The following CEP89 variants were observed in gnomAD, a reference collection of about 807,000 sequenced individuals.
The protein encoded by CEP89 is centrosomal protein 89.
CEP89 carries 95 observed loss-of-function variants against 97.6 expected under a neutral mutation model. The observed-to-expected ratio is 0.97, with a 90% confidence interval of 0.82 to 1.15. The LOEUF (loss-of-function observed/expected upper bound fraction) is 1.15. Among genes scored for constraint, CEP89 ranks in the 50% most tolerant of loss-of-function variants. The pLI is 0.00. For missense variants in CEP89, 869 were observed against 947.7 expected, an observed-to-expected ratio of 0.92 and a Z score of 1.09; for synonymous variants, 354 against 349.1, an observed-to-expected ratio of 1.01 and a Z score of -0.16.
intron 17 of CEP89, among the ~76,000 whole-genome samples, chr19:32,884,895 C>A (rs945503791): frequency 3.9e-5 from 6 of 152,152 alleles, no homozygotes; most frequent in African/African-American, 1.2e-4. Flanking sequence ...AAGCTCGATT[C>A]TTGTAGTTGG....
intron 16 of CEP89, among the ~76,000 whole-genome samples, chr19:32,899,537 T>C (rs1268204905): frequency 6.6e-6 from 1 of 152,204 alleles, no homozygotes; most frequent in African/African-American, 2.4e-5. Context: ...AAAAATGCAT[T>C]TAATCCTGGC....
chr19:32,906,039 G>A (rs968557675), intron 14 of CEP89, among the ~76,000 whole-genome samples: 2 of 152,158 alleles, frequency 1.3e-5, no homozygotes, highest in African/African-American at 2.4e-5. Context: ...ATTTTGGTTT[G>A]TACTTGAGTA....
intron 14 of CEP89, among the ~76,000 whole-genome samples, chr19:32,914,726 GA>G (rs1439122006): frequency 2.6e-5 from 4 of 151,108 alleles, no homozygotes; most frequent in African/African-American, 7.3e-5. Flanking sequence ...GTTATTAAAA[GA>G]AAAAAAAAGT....
intron 11 of CEP89, among the ~76,000 whole-genome samples, 180 bp from the exon 12 acceptor site, chr19:32,923,722 G>A (rs1599744340): frequency 6.6e-6 from 1 of 152,100 alleles, no homozygotes; most frequent in South Asian, 2.1e-4. Context: ...GGGAGCTTAC[G>A]GTCTAGTGAG....
intron 2 of CEP89, among the ~76,000 whole-genome samples, chr19:32,962,546 A>C (rs1393680863): frequency 6.6e-6 from 1 of 152,190 alleles, no homozygotes; most frequent in East Asian, 1.9e-4. Flanking sequence ...AACCTTTGTG[A>C]CCTTAGGTTA....
chr19:32,880,326 G>T (rs1969255288), intron 18 of CEP89, among the ~76,000 whole-genome samples: 1 of 151,958 alleles, frequency 6.6e-6, no homozygotes, highest in Non-Finnish European at 1.5e-5. Context: ...GGAGGCCAGT[G>T]ATGTGCCCAC....
chr19:32,881,307 GTAA>G (rs57320662), intron 18 of CEP89, among the ~76,000 whole-genome samples: 49,600 of 150,818 alleles, frequency 0.33, 8,443 homozygotes, highest in African/African-American at 0.37. Context: ...TCTATAAGTA[GTAA>G]TAATAATAAT....
rs758339213 is a variant in CEP89, at chr19:32,931,587, T to C, written c.887-16A>G. ...GGTGCAGCAACTAGGGAAAAAAATTTAATATTATACTATAAGAAATAACAT... is the reference window on the plus strand; with the variant it reads ...GGTGCAGCAACTAGGGAAAAAAATTCAATATTATACTATAAGAAATAACAT... On this transcript the variant is annotated splice_polypyrimidine_tract_variant and intron_variant, in intron 8 of 18. Coordinates refer to ENST00000305768, the MANE Select transcript of CEP89 (RefSeq NM_032816.5). The C allele has an allele frequency of 5.1e-6, 8 of 1,556,996 alleles. 1 individual carries two copies. Among genetic ancestry groups the C allele is most frequent in the Non-Finnish European group, 6.9e-6 (8 of 1,154,646 alleles).
At chr19:32,927,511 C>T (rs1478643389) in intron 9 of CEP89, among the ~76,000 whole-genome samples, 4 of 152,064 alleles carry the variant, frequency 2.6e-5, no homozygotes, top group African/African-American at 7.2e-5. Context: ...TATATGTTAT[C>T]TTCAAATTTC....
At chr19:32,959,152 A>G (rs1159838926) in intron 3 of CEP89, among the ~76,000 whole-genome samples, 2 of 151,430 alleles carry the variant, frequency 1.3e-5, no homozygotes, top group Admixed American at 6.6e-5. Context: ...AAAGGCAGAC[A>G]CCAACCCTCT....
chr19:32,927,161 C>T lies in CEP89; in HGVS notation c.1030-177G>A, dbSNP rs201531680. Reference sequence around the variant, plus strand: ...CCATCCATCCATCCATCCATCCATCCATCTATCCATCCATCCATCCATCCA... The same window carrying T: ...CCATCCATCCATCCATCCATCCATCTATCTATCCATCCATCCATCCATCCA... On this transcript the variant is annotated intron_variant, in intron 9 of 18. Transcript: ENST00000305768. Among the ~76,000 whole-genome samples, 199 of 142,352 alleles carry T rather than the reference C, an allele frequency of 1.4e-3. 4 individuals carry two copies. In the East Asian group the frequency reaches 0.04, roughly 28 times the overall value. 93.4% of individuals were successfully genotyped at this position (142,352 alleles called of 152,430 possible).
rs373369528 is a variant in CEP89, at chr19:32,879,201, G to A, written c.2313C>T (p.Val771=). The A allele has an allele frequency of 3.1e-6, 5 of 1,613,872 alleles. No homozygotes were observed. The African/African-American group carries it at 5.3e-5, about 17-fold the overall frequency. ...SQADLLDGCD[V]CSYDLKSHAP... is the part of the protein sequence containing the mutation. The stretch of plus-strand genomic sequence containing the variant: ...CATGAGACTTCAGGTCATAGGAGCA[G>A]ACATCGCAGCCGTCCAGCAGGTCTG... Residue 771 remains valine (V), a synonymous_variant, in exon 19 of 19, where the codon GTC becomes GTT. Transcript: ENST00000305768.
intron 14 of CEP89, among the ~76,000 whole-genome samples, chr19:32,909,947 TG>T (rs1969963592): frequency 6.6e-6 from 1 of 152,124 alleles, no homozygotes; most frequent in Non-Finnish European, 1.5e-5. Context: ...CATATTCTAA[TG>T]AAATACCAGT....
At chr19:32,962,065 T>C (rs1375077874) in intron 2 of CEP89, among the ~76,000 whole-genome samples, 1 of 137,284 alleles carries the variant, frequency 7.3e-6, no homozygotes, top group Admixed American at 7.1e-5. Flanking sequence ...AAAAAAAAAA[T>C]CATGGATCTA....
chr19:32,886,468 G>T (rs750419472), intron 17 of CEP89, among the ~76,000 whole-genome samples: 1 of 152,114 alleles, frequency 6.6e-6, no homozygotes, highest in Non-Finnish European at 1.5e-5. Flanking sequence ...TCTCGTCACA[G>T]CCCCGGATTT....
intron 9 of CEP89, among the ~76,000 whole-genome samples, chr19:32,930,109 T>G (rs1970441251): frequency 6.7e-6 from 1 of 148,618 alleles, no homozygotes; most frequent in African/African-American, 2.5e-5. Flanking sequence ...CACTGCAACC[T>G]CTGCCTCCCA....
intron 12 of CEP89, among the ~76,000 whole-genome samples, chr19:32,918,818 C>CA (rs931644045): frequency 1.9e-4 from 28 of 149,344 alleles, no homozygotes; most frequent in African/African-American, 4.9e-4. Flanking sequence ...AACAAAAAAA[C>CA]AAAAAAAACT....
Position 32,915,330 on chromosome 19 carries a change from T to A in CEP89, c.1565+7A>T. 3.2e-6 allele frequency: 5 copies of A among 1,555,336 alleles called. No homozygotes were observed. Among genetic ancestry groups the A allele is most frequent in the Non-Finnish European group, 4.4e-6 (5 of 1,147,248 alleles). ...AAAAAAAAAAAGAAAAAACATTAAA[T>A]CCTTACCTTTTTAATTCATTCACAA... On this transcript the variant is annotated splice_region_variant and intron_variant, in intron 14 of 18. Transcript: ENST00000305768.
At chr19:32,906,613 C>CCTT (rs1225055855) in intron 14 of CEP89, among the ~76,000 whole-genome samples, 1 of 151,872 alleles carries the variant, frequency 6.6e-6, no homozygotes, top group African/African-American at 2.4e-5. Flanking sequence ...AGGCATCCTG[C>CCTT]CTTGAATCAA....
Sources: gnomAD v4.1 joint callset for allele counts (sites outside exome capture counted in the v4.1 genomes callset) on GRCh38, gnomAD v4.1.1 for gene constraint, MANE v1.5 for transcripts, NCBI Gene and HGNC (gene_info 2026-07-23, HGNC 2026-07-21) for gene names.